Variants in FKBP9 observed in about 807,000 individuals in gnomAD.
FKBP9 encodes FKBP prolyl isomerase 9, also known as peptidyl-prolyl cis-trans isomerase FKBP9.
Under a neutral mutation model 55.6 loss-of-function variants are expected in FKBP9, and 27 were observed. That is an observed-to-expected ratio of 0.49 (90% CI 0.36 to 0.67). The LOEUF (loss-of-function observed/expected upper bound fraction) is 0.67. Ranked by LOEUF, FKBP9 falls within the 30% of genes least tolerant of loss-of-function variation. The pLI is 0.00. For missense variants in FKBP9, 539 were observed against 742.8 expected, an observed-to-expected ratio of 0.73 and a Z score of 3.19; for synonymous variants, 267 against 296.5, an observed-to-expected ratio of 0.90 and a Z score of 1.02.
intron 1 of FKBP9, among the ~76,000 whole-genome samples, chr7:32,959,727 G>T (rs939725038): frequency 6.6e-6 from 1 of 152,118 alleles, no homozygotes; most frequent in African/African-American, 2.4e-5. Context: ...GAGGTGCTTT[G>T]TTATTTATTT....
intron 6 of FKBP9, among the ~76,000 whole-genome samples, chr7:32,995,773 C>A (rs1242703004): frequency 6.6e-6 from 1 of 152,130 alleles, no homozygotes; most frequent in East Asian, 1.9e-4. Context: ...TTTCTCACCC[C>A]ACCTCTTACT....
chr7:32,982,945 C>A (rs1299116327), intron 5 of FKBP9, among the ~76,000 whole-genome samples: 2 of 151,042 alleles, frequency 1.3e-5, no homozygotes, highest in Non-Finnish European at 3.0e-5. Flanking sequence ...AATTGTTTCC[C>A]TGGGATACAT....
chr7:32,973,690 T>TTTTG (rs1562565514), intron 1 of FKBP9, among the ~76,000 whole-genome samples: 9 of 82,782 alleles, frequency 1.1e-4, no homozygotes, highest in South Asian at 5.7e-4. Flanking sequence ...TTGTTTTTTT[T>TTTTG]TTTTTTTTTT....
rs560246360 is a variant in FKBP9, at chr7:33,000,938, G to A, written c.1372+678G>A. The stretch of plus-strand genomic sequence containing the variant: ...TGGGACTACAGGCATGCACCACCTC[G>A]CCTGGCTAATTTTTTATTTTTTAGA... On this transcript the variant is annotated intron_variant, in intron 8 of 9. Transcript: ENST00000242209. Among the ~76,000 whole-genome samples the A allele has an allele frequency of 4.6e-5, 7 of 152,048 alleles. No individual in the cohort carries two copies. The South Asian group carries it at 8.3e-4, about 18-fold the overall frequency.
chr7:32,962,883 G>T (rs908440341), intron 1 of FKBP9, among the ~76,000 whole-genome samples: 1 of 139,086 alleles, frequency 7.2e-6, no homozygotes, highest in African/African-American at 2.6e-5. Context: ...GGAGTGAGGG[G>T]TGGGAGGGTG....
intron 6 of FKBP9, among the ~76,000 whole-genome samples, chr7:32,995,526 C>T (rs1310247623): frequency 1.3e-5 from 2 of 152,044 alleles, no homozygotes; most frequent in Non-Finnish European, 2.9e-5. Context: ...CTTTGGCAAA[C>T]TGTAAAACAT....
chr7:33,005,364 C>G lies in FKBP9; in HGVS notation c.*13C>G, dbSNP rs1161573497. On this transcript the variant is annotated 3_prime_UTR_variant, in exon 10 of 10. Transcript: ENST00000242209. ...CGATGAACTCTAAACCTGGCATGAA[C>G]CAGATGGTGCCAGGGAGTACGTGAC... 6.2e-7 allele frequency: 1 copy of G among 1,613,824 alleles called. No individual in the cohort carries two copies. The highest frequency in any genetic ancestry group is 8.5e-7 in the Non-Finnish European group (1 of 1,179,818).
rs748229091 is a variant in FKBP9 at position 32,979,568 on chromosome 7, A to T, written c.704-796A>T. 69 of 1,549,982 alleles carry T rather than the reference A, an allele frequency of 4.5e-5. No homozygotes were observed. In the African/African-American group the frequency reaches 8.6e-4, roughly 19 times the overall value. On this transcript the variant is annotated intron_variant, in intron 4 of 9. Coordinates refer to ENST00000242209, the MANE Select transcript of FKBP9 (RefSeq NM_007270.5). ...TTGTCTGGGCCTACTCCTTTGCATG[A>T]TATAACAAATGGCAGGTAAAACTGA...
In FKBP9 at chr7:32,957,480, C is replaced by A; in HGVS notation, c.-94C>A. 2 of 972,298 alleles carry A rather than the reference C, an allele frequency of 2.1e-6. No individual in the cohort carries two copies. Among genetic ancestry groups the A allele is most frequent in the Non-Finnish European group, 2.7e-6 (2 of 727,860 alleles). The allele number at this position is 972,298 out of a possible 1,614,324, so 60.2% of individuals were successfully genotyped here. A position where few individuals can be genotyped will look rare whatever the true frequency, so the allele number is the denominator to read the frequency against. On this transcript the variant is annotated 5_prime_UTR_variant, in exon 1 of 10. Coordinates refer to ENST00000242209, the MANE Select transcript of FKBP9 (RefSeq NM_007270.5). Reference sequence around the variant, plus strand: ...CTGCAGCCCGGGTAGGGCCAGGAGACCCGGTCCACGTTTGCAAACGCAGCC... The same window carrying A: ...CTGCAGCCCGGGTAGGGCCAGGAGAACCGGTCCACGTTTGCAAACGCAGCC...
chr7:32,985,351 A>G (rs978423794), intron 5 of FKBP9, among the ~76,000 whole-genome samples: 14 of 150,668 alleles, frequency 9.3e-5, no homozygotes, highest in Admixed American at 6.6e-5. Context: ...TAATTTTTTT[A>G]GTATTTTTAG....
chr7:32,986,365 CCTT>C (rs1359624155), intron 5 of FKBP9, among the ~76,000 whole-genome samples: 3 of 152,256 alleles, frequency 2.0e-5, no homozygotes, highest in Non-Finnish European at 4.4e-5. Context: ...ACATAGGTAT[CCTT>C]CTCTTCCCTG....
chr7:32,975,100 A>G, intron 2 of FKBP9, 82 bp from the exon 3 acceptor site: 1 of 1,152,976 alleles, frequency 8.7e-7, no homozygotes, highest in Non-Finnish European at 1.3e-6. Context: ...GCCCACATTC[A>G]CCTTGGGAGC....
intron 7 of FKBP9, among the ~76,000 whole-genome samples, chr7:32,997,996 C>T (rs1583870284): frequency 6.6e-6 from 1 of 152,310 alleles, no homozygotes; most frequent in East Asian, 1.9e-4. Flanking sequence ...TGATGACATA[C>T]TGTCAGTCAT....
chr7:32,979,050 C>T (rs552654171), intron 4 of FKBP9, among the ~76,000 whole-genome samples: 1 of 152,242 alleles, frequency 6.6e-6, no homozygotes, highest in East Asian at 1.9e-4. Context: ...GGGTGGATCG[C>T]CTGAGGTCGG....
chr7:32,962,978 T>C (rs1347239851), intron 1 of FKBP9, among the ~76,000 whole-genome samples: 1 of 152,088 alleles, frequency 6.6e-6, no homozygotes, highest in African/African-American at 2.4e-5. Flanking sequence ...GGAGCTCTCA[T>C]GCCTCACACA....
chr7:33,005,178 T>G lies in FKBP9; in HGVS notation c.1540T>G (p.Ser514Ala), dbSNP rs766303619. 51 of 1,613,406 alleles carry G rather than the reference T, an allele frequency of 3.2e-5. No individual in the cohort carries two copies. Among genetic ancestry groups the G allele is most frequent in the Non-Finnish European group, 4.2e-5 (50 of 1,179,554 alleles). ...TTCCTGTCCCCTTCTTTTCCAGTTC[T>G]CAGAGTACATTCACGCCCAGGTGGC... ...GNGEVLLEEFSEYIHAQVASG... is the reference protein window; with the variant it reads ...GNGEVLLEEFAEYIHAQVASG... The change falls in exon 10 of 10, where the codon TCA becomes GCA. Residue 514 changes from serine to alanine, a missense_variant. Around this residue, in one of 4 missense-constraint regions of FKBP9, gnomAD observed 102 missense variants for 200.7 expected, o/e 0.51. Coordinates refer to ENST00000242209, the MANE Select transcript of FKBP9 (RefSeq NM_007270.5).
At chr7:32,993,987 AAT>A (rs2127987452) in intron 6 of FKBP9, among the ~76,000 whole-genome samples, 1 of 152,330 alleles carries the variant, frequency 6.6e-6, no homozygotes, top group Non-Finnish European at 1.5e-5. Flanking sequence ...TGCTTCTGTG[AAT>A]ATGAGTGTAC....
chr7:32,993,714 G>A (rs993772279), intron 6 of FKBP9, among the ~76,000 whole-genome samples: 1 of 151,920 alleles, frequency 6.6e-6, no homozygotes, highest in Admixed American at 6.6e-5. Flanking sequence ...AATCTCAGCT[G>A]AGGCAGGGAA....
At chr7:32,974,340 T>G (rs1784316851) in intron 1 of FKBP9, among the ~76,000 whole-genome samples, 1 of 145,696 alleles carries the variant, frequency 6.9e-6, no homozygotes, top group Admixed American at 7.0e-5. Flanking sequence ...AGGTAACTAT[T>G]TTGCAAAATC....
Sources: gnomAD v4.1 joint callset for allele counts (sites outside exome capture counted in the v4.1 genomes callset) on GRCh38, gnomAD v4.1.1 for gene constraint, gnomAD v4.1.1 regional missense constraint, MANE v1.5 for transcripts, NCBI Gene and HGNC (gene_info 2026-07-23, HGNC 2026-07-21) for gene names.